Variants in TCF12 observed in about 807,000 individuals in gnomAD.
TCF12 encodes the protein DNA-binding protein HTF4.
A neutral mutation model predicts 86.0 loss-of-function variants in TCF12; 45 were observed. The ratio of observed to expected loss-of-function variants is 0.52; its 90% confidence interval spans 0.41 to 0.67. The LOEUF is 0.67. Ranked by LOEUF, TCF12 falls within the 30% of genes least tolerant of loss-of-function variation. The pLI, the probability that TCF12 is intolerant of heterozygous loss-of-function variation, is 0.00. For synonymous variants in TCF12, 330 were observed against 299.6 expected (o/e 1.10, Z -1.05); for missense variants, 881 against 859.9 (o/e 1.02, Z -0.31).
In TCF12 at chr15:57,234,087, C is replaced by G. The variant is rs1157076207; in HGVS notation, c.1015C>G (p.Leu339Val). The G allele has an allele frequency of 6.2e-7, 1 of 1,613,374 alleles. No homozygotes were observed. Among genetic ancestry groups the G allele is most frequent in the Admixed American group, 1.7e-5 (1 of 59,966 alleles). ...AAGSSQTGDA[L>V]GKALASIYSP... ...TGGAAGCTCACAGACAGGTGATGCA[C>G]TTGGAAAGGCTTTGGCATCTGTGAG... is the stretch of plus-strand genomic sequence containing the variant. The change falls in exon 12 of 21, where the codon CTT (leucine) becomes GTT (valine). Residue 339 changes from leucine (L) to valine (V), a missense_variant. Physicochemically the swap from Leu to Val is conservative, Grantham distance 32. Coordinates refer to ENST00000333725, the MANE Select transcript of TCF12 (RefSeq NM_207037.2).
intron 3 of TCF12, among the ~76,000 whole-genome samples, chr15:56,985,415 T>C (rs2063133851): frequency 6.6e-6 from 1 of 152,214 alleles, no homozygotes; most frequent in Non-Finnish European, 1.5e-5. Flanking sequence ...TAATTTTGGC[T>C]ACTAAATTAG....
chr15:57,064,795 C>CAAAAAAAAAAAAAAAAAAAAAAA (rs1177544594), intron 4 of TCF12, among the ~76,000 whole-genome samples: 5 of 78,056 alleles, frequency 6.4e-5, no homozygotes, highest in Non-Finnish European at 8.5e-5. Flanking sequence ...GACTCCATCT[C>CAAAAAAAAAAAAAAAAAAAAAAA]AAAAAAAAAA....
chr15:57,259,013 T>C (rs2060469696), intron 16 of TCF12, among the ~76,000 whole-genome samples: 1 of 152,178 alleles, frequency 6.6e-6, no homozygotes, highest in South Asian at 2.1e-4. Flanking sequence ...TTCAACTGAA[T>C]AGAAAGATTT....
At chr15:56,927,255 G>C (rs1485228010) in intron 3 of TCF12, among the ~76,000 whole-genome samples, 1 of 152,052 alleles carries the variant, frequency 6.6e-6, no homozygotes, top group African/African-American at 2.4e-5. Context: ...TAAAGATGTT[G>C]GTTAAAAAGA....
intron 8 of TCF12, among the ~76,000 whole-genome samples, chr15:57,220,475 T>A (rs1285139700): frequency 6.6e-6 from 1 of 152,206 alleles, no homozygotes; most frequent in Non-Finnish European, 1.5e-5. Context: ...TTGTGTGGAT[T>A]CATGAAATAA....
intron 8 of TCF12, among the ~76,000 whole-genome samples, chr15:57,206,991 A>AGT (rs2057855452): frequency 3.3e-5 from 5 of 151,718 alleles, no homozygotes; most frequent in African/African-American, 4.8e-5. Context: ...CTGTAGTACT[A>AGT]GGTACTCAGG....
chr15:57,156,004 C>G lies in TCF12; in HGVS notation c.326-10398C>G, dbSNP rs571814264. On this transcript the variant is annotated intron_variant, in intron 5 of 20. Coordinates refer to ENST00000333725, the MANE Select transcript of TCF12 (RefSeq NM_207037.2). ...GAGTCTCAGTAAAAAATTTCATTGA[C>G]ATTTTGTTTTTCTTAATCTGAATAG... Among the ~76,000 whole-genome samples, 4 of 152,240 alleles carry G rather than the reference C, an allele frequency of 2.6e-5. 1 individual carries two copies. The South Asian group carries it at 8.3e-4, about 32-fold the overall frequency.
chr15:57,261,634 A>G (rs2431023), intron 16 of TCF12, among the ~76,000 whole-genome samples: 1 of 151,970 alleles, frequency 6.6e-6, no homozygotes, highest in East Asian at 1.9e-4. Context: ...TTTTTATGTA[A>G]GTTAATACTG....
At chr15:57,147,528 AC>A (rs147853328) in intron 5 of TCF12, among the ~76,000 whole-genome samples, 6,090 of 152,244 alleles carry the variant, frequency 0.04, 367 homozygotes, top group Admixed American at 0.17. Context: ...ATAAACTCTT[AC>A]CATAAAAGCA....
At chr15:57,239,849 G>C (rs2059539853) in intron 12 of TCF12, among the ~76,000 whole-genome samples, 1 of 152,108 alleles carries the variant, frequency 6.6e-6, no homozygotes, top group Non-Finnish European at 1.5e-5. Context: ...TAAAAAATTT[G>C]GGTTTGGACA....
chr15:56,963,597 T>A (rs1388156158), intron 3 of TCF12, among the ~76,000 whole-genome samples: 1 of 152,210 alleles, frequency 6.6e-6, no homozygotes, highest in African/African-American at 2.4e-5. Flanking sequence ...TTGATTAAGT[T>A]TGATTTGGAC....
At chr15:56,950,838 C>T (rs1335783071) in intron 3 of TCF12, among the ~76,000 whole-genome samples, 1 of 142,594 alleles carries the variant, frequency 7.0e-6, no homozygotes, top group African/African-American at 2.6e-5. Context: ...CTTACCACAA[C>T]CTCTTCCTCC....
At chr15:57,077,593 A>G (rs1187138716) in intron 4 of TCF12, among the ~76,000 whole-genome samples, 2 of 151,580 alleles carry the variant, frequency 1.3e-5, no homozygotes, top group African/African-American at 4.8e-5. Flanking sequence ...CACCTGCCTA[A>G]TTTGTATATT....
At chr15:57,054,436 AATGTGTAAGTCC>A (rs1192846440) in intron 3 of TCF12, among the ~76,000 whole-genome samples, 6 of 152,172 alleles carry the variant, frequency 3.9e-5, no homozygotes, top group Admixed American at 3.3e-4. Flanking sequence ...TTTTTTGTTT[AATGTGTAAGTCC>A]ATTTGTAATG....
At chr15:57,195,235 GA>G (rs1307193713) in intron 7 of TCF12, among the ~76,000 whole-genome samples, 2 of 152,178 alleles carry the variant, frequency 1.3e-5, no homozygotes, top group East Asian at 3.9e-4. Flanking sequence ...CAACTTCCCA[GA>G]AGTGGTCGGT....
At chr15:56,937,342 T>C (rs1388787554) in intron 3 of TCF12, among the ~76,000 whole-genome samples, 1 of 152,100 alleles carries the variant, frequency 6.6e-6, no homozygotes, top group African/African-American at 2.4e-5. Context: ...TTTTGCTGAA[T>C]TCATGTATGA....
At chr15:57,043,043 C>T (rs1160383962) in intron 3 of TCF12, among the ~76,000 whole-genome samples, 28 of 152,102 alleles carry the variant, frequency 1.8e-4, no homozygotes, top group Admixed American at 1.2e-3. Context: ...ACATGTCATC[C>T]TGCAGGTTCA....
chr15:57,167,631 G>A (rs2055000613), intron 6 of TCF12, among the ~76,000 whole-genome samples: 1 of 151,918 alleles, frequency 6.6e-6, no homozygotes, highest in Non-Finnish European at 1.5e-5. Context: ...AAGAGAGAGA[G>A]AAAATAAATA....
chr15:57,125,800 A>T (rs1297469453), intron 5 of TCF12, among the ~76,000 whole-genome samples: 8 of 152,258 alleles, frequency 5.3e-5, no homozygotes, highest in Non-Finnish European at 1.2e-4. Context: ...TCTTGTAAAT[A>T]GAAGCAATTC....
Sources: gnomAD v4.1 joint callset for allele counts (sites outside exome capture counted in the v4.1 genomes callset) on GRCh38, gnomAD v4.1.1 for gene constraint, MANE v1.5 for transcripts, NCBI Gene and HGNC (gene_info 2026-07-23, HGNC 2026-07-21) for gene names.